Variants in TRIOBP observed in about 807,000 individuals in gnomAD.
TRIOBP encodes TRIO and F-actin binding protein, also known as TRIO and F-actin-binding protein.
A neutral mutation model predicts 238.8 loss-of-function variants in TRIOBP; 169 were observed. The observed-to-expected ratio is 0.71, with a 90% CI of 0.62 to 0.80. TRIOBP has a LOEUF of 0.80. Ranked by LOEUF, TRIOBP falls within the 30% of genes least tolerant of loss-of-function variation. TRIOBP has a pLI of 0.00. For synonymous variants in TRIOBP, 1,150 were observed against 1,274.4 expected (o/e 0.90, Z 2.08); for missense variants, 2,838 against 3,122.6 (o/e 0.91, Z 2.17).
At chr22:37,746,036 TCCGCCCACC>T (rs1005049203) in intron 11 of TRIOBP, among the ~76,000 whole-genome samples, 10 of 74,156 alleles carry the variant, frequency 1.3e-4, no homozygotes, top group African/African-American at 4.9e-4. Flanking sequence ...TGCGGCCCCA[TCCGCCCACC>T]CCGCCGTCCC....
chr22:37,761,965 C>G (rs757168379), intron 17 of TRIOBP, among the ~76,000 whole-genome samples: 1 of 132,716 alleles, frequency 7.5e-6, no homozygotes, highest in Non-Finnish European at 1.6e-5. Context: ...CTTCTGCCTG[C>G]GTGCTCTGCT....
At chr22:37,753,637 G>A (rs1411041300) in intron 12 of TRIOBP, among the ~76,000 whole-genome samples, 1 of 152,220 alleles carries the variant, frequency 6.6e-6, no homozygotes, top group African/African-American at 2.4e-5. Flanking sequence ...CAGAAAAGTG[G>A]AGACACTTGC....
At chr22:37,720,156 T>C (rs1483382355) in intron 6 of TRIOBP, among the ~76,000 whole-genome samples, 1 of 151,742 alleles carries the variant, frequency 6.6e-6, no homozygotes, top group East Asian at 1.9e-4. Context: ...ATTACAGGCA[T>C]GCACCACCAC....
At chr22:37,752,662 C>T (rs939202593) in intron 12 of TRIOBP, among the ~76,000 whole-genome samples, 3 of 152,244 alleles carry the variant, frequency 2.0e-5, no homozygotes, top group Non-Finnish European at 4.4e-5. Flanking sequence ...CTACCCGCTG[C>T]CTGCCCGCTG....
At chr22:37,713,910 G>C (rs191344295) in intron 5 of TRIOBP, among the ~76,000 whole-genome samples, 2 of 152,290 alleles carry the variant, frequency 1.3e-5, no homozygotes, top group African/African-American at 4.8e-5. Flanking sequence ...GCATTTTGAG[G>C]GGCTGCCGCA....
rs764172892 is a variant in TRIOBP at position 37,738,700 on chromosome 22, A to C, written c.5165A>C (p.Asp1722Ala). 7.4e-6 allele frequency: 12 copies of C among 1,613,796 alleles called. No homozygotes were observed. The African/African-American group carries it at 1.6e-4, about 22-fold the overall frequency. ...AGCAGAGGCCAAGACCCCCTGACTG[A>C]CCAGAAGCAGGCAGACTCGGTAGCT... Reference protein sequence around the residue: ...EPSRGQDPLTDQKQADSADKR... With the variant: ...EPSRGQDPLTAQKQADSADKR... Residue 1722 changes from aspartate (D) to alanine (A), a missense_variant, in exon 10 of 24, where the codon GAC becomes GCC. By Grantham distance (126) the Asp-to-Ala change is moderately radical. Coordinates refer to ENST00000644935, the MANE Select transcript of TRIOBP (RefSeq NM_001039141.3).
chr22:37,720,394 C>T (rs1923764127), intron 6 of TRIOBP, among the ~76,000 whole-genome samples: 1 of 152,082 alleles, frequency 6.6e-6, no homozygotes, highest in Non-Finnish European at 1.5e-5. Flanking sequence ...TTTTTCTGTT[C>T]CAGGATCCAT....
intron 11 of TRIOBP, among the ~76,000 whole-genome samples, chr22:37,750,103 C>T (rs1379775548): frequency 3.3e-5 from 5 of 152,326 alleles, no homozygotes; most frequent in East Asian, 1.9e-4. Flanking sequence ...TCGGAAGCTG[C>T]GGGAGGGGAG....
intron 17 of TRIOBP, among the ~76,000 whole-genome samples, chr22:37,763,766 G>T (rs947373290): frequency 6.6e-6 from 1 of 152,188 alleles, no homozygotes; most frequent in African/African-American, 2.4e-5. Flanking sequence ...GGTGGCAGCT[G>T]TAACCTGTAA....
chr22:37,714,435 A>T (rs1238472836), intron 5 of TRIOBP, among the ~76,000 whole-genome samples: 2 of 152,184 alleles, frequency 1.3e-5, no homozygotes, highest in Non-Finnish European at 2.9e-5. Context: ...TTGGGAGGCC[A>T]AGGTGGGCGG....
chr22:37,740,153 G>A (rs1376183473), intron 10 of TRIOBP, among the ~76,000 whole-genome samples: 1 of 152,218 alleles, frequency 6.6e-6, no homozygotes, highest in Admixed American at 6.5e-5. Context: ...TCCTGGACCT[G>A]TGCTTTGATG....
chr22:37,703,370 C>T (rs1450512602), intron 3 of TRIOBP, among the ~76,000 whole-genome samples: 2 of 152,060 alleles, frequency 1.3e-5, no homozygotes, highest in African/African-American at 4.8e-5. Flanking sequence ...AGTCTGCTGC[C>T]AAGCCCCCAT....
At chr22:37,768,482 G>C (rs939610131) in intron 19 of TRIOBP, among the ~76,000 whole-genome samples, 8 of 152,152 alleles carry the variant, frequency 5.3e-5, no homozygotes, top group Admixed American at 5.2e-4. Flanking sequence ...CTGCCCCAGA[G>C]CACAGTTTTG....
intron 7 of TRIOBP, among the ~76,000 whole-genome samples, chr22:37,727,106 G>A (rs1924209912): frequency 6.6e-6 from 1 of 151,142 alleles, no homozygotes; most frequent in Non-Finnish European, 1.5e-5. Context: ...ACGGGGTTTC[G>A]CCATATTGGC....
At chr22:37,754,749 G>T in intron 12 of TRIOBP, 128 bp from the exon 13 acceptor site, 1 of 863,032 alleles carries the variant, frequency 1.2e-6, no homozygotes, top group South Asian at 1.4e-5. Context: ...GGAAATGGAG[G>T]GGCCAGGTCT....
intron 6 of TRIOBP, 77 bp from the exon 7 acceptor site, chr22:37,723,107 TA>T: frequency 6.7e-7 from 1 of 1,499,318 alleles, no homozygotes; most frequent in Non-Finnish European, 9.2e-7. Flanking sequence ...TCACTGGTCC[TA>T]AGGGACAAAG....
chr22:37,758,452 G>A (rs1001497625), intron 16 of TRIOBP, among the ~76,000 whole-genome samples: 13 of 152,252 alleles, frequency 8.5e-5, no homozygotes, highest in African/African-American at 2.9e-4. Flanking sequence ...AGGTGGGAGG[G>A]TCCCTTGAAG....
At chr22:37,759,824 C>T (rs1330142595) in intron 17 of TRIOBP, 1 of 1,258,396 alleles carries the variant, frequency 7.9e-7, no homozygotes, top group Non-Finnish European at 1.0e-6. Flanking sequence ...CTGGTTGTCA[C>T]AACTAGGACA....
In TRIOBP at chr22:37,735,083, G is replaced by A; in HGVS notation, c.4747G>A (p.Glu1583Lys). The A allele has an allele frequency of 6.2e-7, 1 of 1,606,856 alleles. No individual in the cohort carries two copies. Among genetic ancestry groups the A allele is most frequent in the East Asian group, 2.2e-5 (1 of 44,690 alleles). ...VWARVPSLDW[E>K]GLLELLQARL... Reference sequence around the variant, plus strand: ...GGCCCGTGTCCCCAGCCTGGACTGGGAGGGCCTCTTGGAGCTCCTGCAGGC... The same window carrying A: ...GGCCCGTGTCCCCAGCCTGGACTGGAAGGGCCTCTTGGAGCTCCTGCAGGC... Residue 1583 changes from glutamate to lysine, a missense_variant, in exon 9 of 24, where the codon GAG (glutamate) becomes AAG (lysine). Around this residue, in one of 5 missense-constraint regions of TRIOBP, gnomAD observed 2,096 missense variants for 2,137.4 expected, o/e 0.98. Transcript: ENST00000644935.
Sources: allele counts gnomAD v4.1 joint callset (sites outside exome capture counted in the v4.1 genomes callset), GRCh38; gene constraint gnomAD v4.1.1; regional missense constraint gnomAD v4.1.1; transcripts MANE v1.5; gene names NCBI Gene and HGNC (gene_info 2026-07-23, HGNC 2026-07-21).